AGMO: variants seen among roughly 807,000 people sequenced by gnomAD.
The protein encoded by AGMO is glyceryl-ether monooxygenase.
A neutral mutation model predicts 60.2 loss-of-function variants in AGMO; 75 were observed. That is an observed-to-expected ratio of 1.25 (90% CI 1.03 to 1.51). The LOEUF (loss-of-function observed/expected upper bound fraction) is 1.51. Ranked by LOEUF, AGMO falls within the 40% of genes most tolerant of loss-of-function variation. AGMO has a pLI of 0.00. For synonymous variants in AGMO, 261 were observed against 177.1 expected, an observed-to-expected ratio of 1.47 and a Z score of -3.76; for missense variants, 763 against 525.5, an observed-to-expected ratio of 1.45 and a Z score of -4.42.
At chr7:15,299,862 C>CAA (rs1784515327) in intron 12 of AGMO, among the ~76,000 whole-genome samples, 1 of 150,876 alleles carries the variant, frequency 6.6e-6, no homozygotes, top group Admixed American at 6.6e-5. Context: ...CACACACACA[C>CAA]ACACACACAC....
chr7:15,459,557 T>G (rs1285045345), intron 3 of AGMO, among the ~76,000 whole-genome samples: 1 of 130,286 alleles, frequency 7.7e-6, no homozygotes, highest in Non-Finnish European at 1.7e-5. Flanking sequence ...CTTAAGGGAT[T>G]GGTAAAATTT....
chr7:15,165,581 C>T, the AGMO span, among the ~76,000 whole-genome samples: 3 of 151,880 alleles, frequency 2.0e-5, no homozygotes, highest in Non-Finnish European at 2.9e-5. Context: ...TTTTAAAAGT[C>T]GAGAAAAACA....
At chr7:15,252,697 G>C (rs1329968057) in intron 12 of AGMO, among the ~76,000 whole-genome samples, 4 of 152,216 alleles carry the variant, frequency 2.6e-5, no homozygotes, top group African/African-American at 9.6e-5. Flanking sequence ...GGTGATAACT[G>C]TCAGAAGCTC....
At chr7:15,480,468 C>T (rs1473146194) in intron 3 of AGMO, among the ~76,000 whole-genome samples, 1 of 152,098 alleles carries the variant, frequency 6.6e-6, no homozygotes, top group African/African-American at 2.4e-5. Flanking sequence ...CAGACTTGGA[C>T]AACAACATAG....
intron 12 of AGMO, among the ~76,000 whole-genome samples, chr7:15,230,053 A>T (rs994658418): frequency 1.3e-5 from 2 of 151,946 alleles, no homozygotes; most frequent in African/African-American, 4.8e-5. Context: ...AAAACAATAA[A>T]TGTCTACACA....
intron 4 of AGMO, among the ~76,000 whole-genome samples, chr7:15,423,988 A>G (rs1269246381): frequency 6.6e-6 from 1 of 152,176 alleles, no homozygotes; most frequent in African/African-American, 2.4e-5. Context: ...TTTTATTGTT[A>G]TTCCTAAAAT....
chr7:15,512,284 C>G (rs544437303), intron 3 of AGMO, among the ~76,000 whole-genome samples: 98 of 152,214 alleles, frequency 6.4e-4, no homozygotes, highest in African/African-American at 2.3e-3. Flanking sequence ...TAGACATGAT[C>G]TCACTCTGTT....
At chr7:15,441,824 A>AG (rs1781565929) in intron 3 of AGMO, among the ~76,000 whole-genome samples, 1 of 152,206 alleles carries the variant, frequency 6.6e-6, no homozygotes, top group African/African-American at 2.4e-5. Flanking sequence ...AGGAAAATAG[A>AG]GAAAAAAAGA....
intron 12 of AGMO, among the ~76,000 whole-genome samples, chr7:15,303,365 T>C (rs1479755203): frequency 6.6e-6 from 1 of 151,342 alleles, no homozygotes; most frequent in Non-Finnish European, 1.5e-5. Context: ...TTTTTTAACA[T>C]AGAAAAATAC....
At chr7:15,153,785 T>C in the AGMO span, among the ~76,000 whole-genome samples, 229 of 152,334 alleles carry the variant, frequency 1.5e-3, 1 homozygote, top group African/African-American at 5.2e-3. Context: ...CCTCCAGATT[T>C]ACTCTTTTTG....
intron 12 of AGMO, among the ~76,000 whole-genome samples, chr7:15,327,029 A>G (rs967031045): frequency 3.3e-5 from 5 of 152,180 alleles, no homozygotes; most frequent in Admixed American, 2.6e-4. Flanking sequence ...CTGAAAGTTC[A>G]TAACATATAA....
chr7:15,474,003 G>C (rs905581941), intron 3 of AGMO, among the ~76,000 whole-genome samples: 2 of 151,858 alleles, frequency 1.3e-5, no homozygotes, highest in Non-Finnish European at 2.9e-5. Flanking sequence ...AGGGATGTGA[G>C]GGACCTCTTC....
At chr7:15,189,596 C>T in the AGMO span, among the ~76,000 whole-genome samples, 1 of 152,068 alleles carries the variant, frequency 6.6e-6, no homozygotes, top group African/African-American at 2.4e-5. Flanking sequence ...TAAGGAACAG[C>T]ATCTTCTTTC....
chr7:15,160,328 T>C, the AGMO span, among the ~76,000 whole-genome samples: 1 of 152,216 alleles, frequency 6.6e-6, no homozygotes, highest in Admixed American at 6.6e-5. Flanking sequence ...CTTAATTGTG[T>C]TCATCTAATT....
intron 12 of AGMO, among the ~76,000 whole-genome samples, chr7:15,294,948 GCCTAAATA>G (rs1784370352): frequency 7.3e-5 from 5 of 68,236 alleles, no homozygotes; most frequent in Non-Finnish European, 2.3e-4. Context: ...CCTAAATAAT[GCCTAAATA>G]AAATAATAAT....
At chr7:15,328,752 C>A (rs976247543) in intron 12 of AGMO, among the ~76,000 whole-genome samples, 11 of 152,156 alleles carry the variant, frequency 7.2e-5, no homozygotes, top group Admixed American at 2.6e-4. Context: ...TCACCAATTT[C>A]CAAGAGTTTC....
chr7:15,244,356 T>C (rs925193106), intron 12 of AGMO, among the ~76,000 whole-genome samples: 1 of 152,140 alleles, frequency 6.6e-6, no homozygotes, highest in Non-Finnish European at 1.5e-5. Context: ...CCTTTTTTTG[T>C]AAAGTTCCTC....
intron 10 of AGMO, among the ~76,000 whole-genome samples, chr7:15,372,169 G>A (rs1474008729): frequency 1.3e-5 from 2 of 151,762 alleles, no homozygotes; most frequent in Non-Finnish European, 2.9e-5. Flanking sequence ...TCTAACATGC[G>A]GCTGGGTGTG....
At position 15,558,558 on chromosome 7, in the gene AGMO, TTATC is replaced by T. The variant is rs539661178; in HGVS notation, c.257+1579_257+1582del. Among the ~76,000 whole-genome samples, 676 of 152,174 alleles carry T rather than the reference TTATC, an allele frequency of 4.4e-3. 4 individuals carry two copies. The highest frequency in any genetic ancestry group is 0.015 in the African/African-American group (638 of 41,552). On this transcript the variant is annotated intron_variant, in intron 2 of 12. Coordinates refer to ENST00000342526, the MANE Select transcript of AGMO (RefSeq NM_001004320.2). ...GGGACAAGTATTATAATAAAGGAAA[TTATC>T]TATAATTGTAAATTCTTATTCATGA... is the stretch of plus-strand genomic sequence containing the variant.
Sources: gnomAD v4.1 joint callset for allele counts (sites outside exome capture counted in the v4.1 genomes callset) on GRCh38, gnomAD v4.1.1 for gene constraint, MANE v1.5 for transcripts, NCBI Gene and HGNC (gene_info 2026-07-23, HGNC 2026-07-21) for gene names.